Variants in FBXO34 observed in about 807,000 individuals in gnomAD.
FBXO34 encodes the protein F-box only protein 34.
In FBXO34, 12 loss-of-function variants were observed where a neutral mutation model predicts 24.5. The observed-to-expected ratio is 0.49, with a 90% CI of 0.31 to 0.79. The LOEUF (loss-of-function observed/expected upper bound fraction) is 0.79, where lower values mean the gene tolerates loss of function less well. Ranked by LOEUF, FBXO34 falls within the 30% of genes least tolerant of loss-of-function variation. The pLI is 0.04. For synonymous variants in FBXO34, 320 were observed against 311.9 expected (o/e 1.03, Z -0.27); for missense variants, 823 against 857.7 (o/e 0.96, Z 0.51).
At chr14:55,399,926 AAC>A in the FBXO34 span, among the ~76,000 whole-genome samples, 1,540 of 152,354 alleles carry the variant, frequency 0.01, 11 homozygotes, top group Middle Eastern at 0.024. Flanking sequence ...ACACAAAAGA[AAC>A]AAACTCTTAC....
chr14:55,379,716 A>AT, the FBXO34 span, among the ~76,000 whole-genome samples: 1 of 152,050 alleles, frequency 6.6e-6, no homozygotes, highest in Non-Finnish European at 1.5e-5. Context: ...ATATCTTTAA[A>AT]TTTTCTGAAT....
chr14:55,308,252 A>C (rs1177801358), intron 1 of FBXO34, among the ~76,000 whole-genome samples: 1 of 152,194 alleles, frequency 6.6e-6, no homozygotes, highest in East Asian at 1.9e-4. Flanking sequence ...TTTTGTTCTA[A>C]ACATATTTTT....
At chr14:55,411,610 G>A in the FBXO34 span, 2 of 1,608,292 alleles carry the variant, frequency 1.2e-6, no homozygotes, top group Non-Finnish European at 1.7e-6. Flanking sequence ...ACCTCTCCCG[G>A]TCGCGGCCGT....
chr14:55,390,620 C>T, the FBXO34 span, among the ~76,000 whole-genome samples: 1 of 152,192 alleles, frequency 6.6e-6, no homozygotes, highest in African/African-American at 2.4e-5. Flanking sequence ...ATCCGCCTGC[C>T]TCAGCCTCCC....
chr14:55,281,483 C>T (rs1271213543), intron 1 of FBXO34, among the ~76,000 whole-genome samples: 1 of 152,080 alleles, frequency 6.6e-6, no homozygotes, highest in African/African-American at 2.4e-5. Flanking sequence ...AAAATTCCAG[C>T]GGGATGATGT....
chr14:55,273,770 C>A (rs1299026227), intron 1 of FBXO34, among the ~76,000 whole-genome samples: 1 of 152,052 alleles, frequency 6.6e-6, no homozygotes, highest in Non-Finnish European at 1.5e-5. Context: ...ATTCTGGGGC[C>A]GGCTACACGG....
the FBXO34 span, among the ~76,000 whole-genome samples, chr14:55,442,857 A>C: frequency 0.059 from 9,003 of 152,288 alleles, 338 homozygotes; most frequent in Non-Finnish European, 0.086. Flanking sequence ...TGTCCTCACA[A>C]GAAGATGAAA....
At chr14:55,337,919 G>A (rs1037836072) in intron 1 of FBXO34, among the ~76,000 whole-genome samples, 1 of 152,022 alleles carries the variant, frequency 6.6e-6, no homozygotes, top group Non-Finnish European at 1.5e-5. Context: ...TGGTAAGAGC[G>A]TAGGCTTTGA....
At chr14:55,381,978 T>A in the FBXO34 span, 1 of 1,614,108 alleles carries the variant, frequency 6.2e-7, no homozygotes, top group Non-Finnish European at 8.5e-7. Flanking sequence ...CCTGGGTTGT[T>A]TTCTTCTCCT....
At chr14:55,276,396 T>A (rs1594718925) in intron 1 of FBXO34, among the ~76,000 whole-genome samples, 1 of 152,230 alleles carries the variant, frequency 6.6e-6, no homozygotes, top group African/African-American at 2.4e-5. Context: ...GGTCTATCCA[T>A]TCATCAATCC....
the FBXO34 span, among the ~76,000 whole-genome samples, chr14:55,402,648 T>C: frequency 8.3e-3 from 1,257 of 151,798 alleles, 22 homozygotes; most frequent in African/African-American, 0.029. Flanking sequence ...GCAAATAAGA[T>C]TTAAAAACCT....
chr14:55,370,744 G>A (rs1594774830), downstream of FBXO34, among the ~76,000 whole-genome samples: 2 of 151,370 alleles, frequency 1.3e-5, no homozygotes, highest in East Asian at 3.9e-4. Context: ...AGGTGCAAGC[G>A]ATTCTCCTGC....
chr14:55,353,739 G>T (rs1884472813), downstream of FBXO34: 1 of 161,658 alleles, frequency 6.2e-6, no homozygotes, highest in South Asian at 2.1e-4. Context: ...TTCTGCCACG[G>T]AAGAGGCCAT....
the FBXO34 span, among the ~76,000 whole-genome samples, chr14:55,415,194 T>C: frequency 5.3e-5 from 8 of 152,234 alleles, no homozygotes; most frequent in Non-Finnish European, 1.2e-4. Flanking sequence ...ATATGGAGCT[T>C]CAGCTAATCA....
intron 1 of FBXO34, among the ~76,000 whole-genome samples, chr14:55,333,369 C>A (rs578037671): frequency 6.6e-6 from 1 of 152,214 alleles, no homozygotes; most frequent in South Asian, 2.1e-4. Flanking sequence ...AATAACCCAG[C>A]ACTAAAATCT....
chr14:55,335,784 T>C (rs1051931868), intron 1 of FBXO34, among the ~76,000 whole-genome samples: 1 of 152,216 alleles, frequency 6.6e-6, no homozygotes, highest in African/African-American at 2.4e-5. Flanking sequence ...TATATCTAGC[T>C]CATAGAATTG....
At chr14:55,345,269 C>G (rs1160892703) in intron 1 of FBXO34, among the ~76,000 whole-genome samples, 1 of 152,180 alleles carries the variant, frequency 6.6e-6, no homozygotes, top group Admixed American at 6.5e-5. Context: ...CTCCCTCATC[C>G]TCCATTTTCA....
At chr14:55,392,344 G>C in the FBXO34 span, among the ~76,000 whole-genome samples, 1 of 152,002 alleles carries the variant, frequency 6.6e-6, no homozygotes, top group African/African-American at 2.4e-5. Flanking sequence ...AGTGAACAAA[G>C]GATCAATAAA....
intron 1 of FBXO34, among the ~76,000 whole-genome samples, chr14:55,322,233 C>G (rs1381804535): frequency 6.6e-6 from 1 of 151,410 alleles, no homozygotes; most frequent in Non-Finnish European, 1.5e-5. Context: ...TGGCGTGAAC[C>G]CGGGAGGCGG....
Sources: allele counts gnomAD v4.1 joint callset (sites outside exome capture counted in the v4.1 genomes callset), GRCh38; gene constraint gnomAD v4.1.1; transcripts MANE v1.5; gene names NCBI Gene and HGNC (gene_info 2026-07-23, HGNC 2026-07-21).